The following ARMC2 variants were observed in gnomAD, a reference collection of about 807,000 sequenced individuals.
ARMC2 encodes the protein armadillo repeat containing 2, also known as armadillo repeat-containing protein 2.
In ARMC2, 67 loss-of-function variants were observed where a neutral mutation model predicts 90.3. The ratio of observed to expected loss-of-function variants is 0.74; its 90% CI spans 0.61 to 0.91. The LOEUF (loss-of-function observed/expected upper bound fraction) is 0.91. Among genes scored for constraint, ARMC2 ranks in the 40% least tolerant of loss-of-function variants. The pLI is 0.00. For missense variants in ARMC2, 920 were observed against 1,030.9 expected, an observed-to-expected ratio of 0.89 and a Z score of 1.47; for synonymous variants, 393 against 393.0, an observed-to-expected ratio of 1.00 and a Z score of 0.00.
the ARMC2 span, among the ~76,000 whole-genome samples, chr6:109,047,978 G>C: frequency 1.4e-5 from 2 of 147,834 alleles, no homozygotes. Flanking sequence ...AGGGTCCTCT[G>C]CCTAGGAAAA....
In ARMC2 at chr6:108,899,771, A is replaced by C; in HGVS notation, c.826A>C (p.Ile276Leu). Reference sequence around the variant, plus strand: ...CTTTTGGAATACAAGGATTGTACCGATTTTGCGTGAATTAGAAAAGGGTAA... The same window carrying C: ...CTTTTGGAATACAAGGATTGTACCGCTTTTGCGTGAATTAGAAAAGGGTAA... ...EVFWNTRIVP[I>L]LRELEKEENI... is the part of the protein sequence containing the mutation. Residue 276 changes from isoleucine (I) to leucine (L), a missense_variant, in exon 7 of 18, where the codon ATT (isoleucine) becomes CTT (leucine). Physicochemically the swap from Ile to Leu is conservative, Grantham distance 5. Coordinates refer to ENST00000392644, the MANE Select transcript of ARMC2 (RefSeq NM_032131.6). The C allele has an allele frequency of 1.2e-6, 2 of 1,612,968 alleles. No individual in the cohort carries two copies. The highest frequency in any genetic ancestry group is 2.2e-5 in the East Asian group (1 of 44,846).
At chr6:108,984,337 TCA>T in the ARMC2 span, among the ~76,000 whole-genome samples, 1,551 of 152,298 alleles carry the variant, frequency 0.01, 33 homozygotes, top group African/African-American at 0.035. Context: ...AATTTATTGC[TCA>T]CAGTTTTGGA....
Position 108,962,070 on chromosome 6 carries a change from G to A in ARMC2, c.2095G>A (p.Val699Ile), listed in dbSNP as rs1210996489. The A allele has an allele frequency of 6.2e-7, 1 of 1,613,554 alleles. No individual in the cohort carries two copies. The highest frequency in any genetic ancestry group is 8.5e-7 in the Non-Finnish European group (1 of 1,179,748). Reference protein sequence around the residue: ...NMDGILEAVRVFGNLSQDHDV... With the variant: ...NMDGILEAVRIFGNLSQDHDV... ...GGATGGAATCCTGGAGGCTGTGCGT[G>A]TTTTCGGAAATCTCTCCCAGGACCA... Residue 699 changes from valine to isoleucine, a missense_variant, in exon 15 of 18, where the codon GTT (valine) becomes ATT (isoleucine). Val to Ile is a conservative substitution (Grantham distance 29). Transcript: ENST00000392644.
rs553836832 is a variant in ARMC2 at position 108,899,750 on chromosome 6, T to C, written c.805T>C (p.Trp269Arg). 13 of 1,613,796 alleles carry C rather than the reference T, an allele frequency of 8.1e-6. No individual in the cohort carries two copies. In the Admixed American group the frequency reaches 2.2e-4, roughly 27 times the overall value. ...AGAAATAGAAGTAGACGAAGTCTTT[T>C]GGAATACAAGGATTGTACCGATTTT... ...DAEIEVDEVF[W>R]NTRIVPILRE... The change falls in exon 7 of 18, where the codon TGG becomes CGG. Residue 269 changes from tryptophan to arginine, a missense_variant. By Grantham distance (101) the Trp-to-Arg change is moderately radical. Coordinates refer to ENST00000392644, the MANE Select transcript of ARMC2 (RefSeq NM_032131.6).
chr6:108,907,635 G>T, intron 8 of ARMC2: 2 of 1,590,688 alleles, frequency 1.3e-6, no homozygotes, highest in Non-Finnish European at 1.7e-6. Flanking sequence ...AGCCACTCGT[G>T]CTTGAGATGC....
the ARMC2 span, among the ~76,000 whole-genome samples, chr6:109,046,352 C>T: frequency 6.5e-4 from 99 of 151,844 alleles, no homozygotes; most frequent in African/African-American, 2.2e-3. Flanking sequence ...CCCGAGGTGC[C>T]GGGATTGCAG....
chr6:108,948,400 C>G (rs951015525), intron 12 of ARMC2, among the ~76,000 whole-genome samples: 7 of 151,858 alleles, frequency 4.6e-5, no homozygotes, highest in African/African-American at 1.7e-4. Context: ...TCCAGGATCC[C>G]TAGGTCCATG....
At chr6:108,897,162 T>C (rs771742246) in intron 6 of ARMC2, among the ~76,000 whole-genome samples, 3 of 152,240 alleles carry the variant, frequency 2.0e-5, no homozygotes, top group Non-Finnish European at 4.4e-5. Flanking sequence ...TCCCTGAGCC[T>C]GATGGGAAGT....
chr6:108,961,983 C>A (rs1425033246), intron 14 of ARMC2, 31 bp from the exon 15 acceptor site: 1 of 1,455,212 alleles, frequency 6.9e-7, no homozygotes, highest in East Asian at 2.3e-5. Flanking sequence ...CTTAAATTCA[C>A]TGATTTAATT....
chr6:108,936,221 T>A (rs1213414484), intron 11 of ARMC2, among the ~76,000 whole-genome samples: 3 of 152,130 alleles, frequency 2.0e-5, no homozygotes, highest in Admixed American at 6.6e-5. Flanking sequence ...CAGGTTTTTG[T>A]TCGTTTGTTT....
At chr6:108,889,500 G>A (rs1477966457) in intron 5 of ARMC2, among the ~76,000 whole-genome samples, 1 of 151,654 alleles carries the variant, frequency 6.6e-6, no homozygotes, top group Non-Finnish European at 1.5e-5. Flanking sequence ...GAATGCAATG[G>A]CACAATCACA....
chr6:109,008,997 A>T, the ARMC2 span: 6 of 1,018,668 alleles, frequency 5.9e-6, no homozygotes, highest in Non-Finnish European at 7.1e-6. Flanking sequence ...CACCCTCAAG[A>T]CTCGAGGTCT....
At chr6:108,929,300 G>T (rs1452025225) in intron 11 of ARMC2, among the ~76,000 whole-genome samples, 2 of 152,246 alleles carry the variant, frequency 1.3e-5, no homozygotes, top group East Asian at 3.9e-4. Flanking sequence ...ATAGTTGATT[G>T]TTCCAGCACC....
At chr6:108,887,071 C>G (rs912024963) in intron 5 of ARMC2, among the ~76,000 whole-genome samples, 4 of 151,914 alleles carry the variant, frequency 2.6e-5, no homozygotes, top group Non-Finnish European at 5.9e-5. Context: ...CCACCCCCAG[C>G]TAATTTTTGT....
chr6:108,920,210 G>A (rs1417002959), intron 10 of ARMC2, among the ~76,000 whole-genome samples: 2 of 152,102 alleles, frequency 1.3e-5, no homozygotes, highest in African/African-American at 2.4e-5. Flanking sequence ...TGTTTTTAGA[G>A]ATGGAGTCTT....
chr6:108,902,789 A>C (rs997258665), intron 7 of ARMC2, among the ~76,000 whole-genome samples: 3 of 152,204 alleles, frequency 2.0e-5, no homozygotes, highest in Non-Finnish European at 2.9e-5. Flanking sequence ...GAAGGAATCT[A>C]TCAGAGATAA....
chr6:108,886,884 T>C (rs776300512), intron 5 of ARMC2, among the ~76,000 whole-genome samples: 1 of 80,350 alleles, frequency 1.2e-5, no homozygotes, highest in Non-Finnish European at 3.6e-5. Flanking sequence ...AATTTTATAG[T>C]TTTTTTTTTG....
chr6:108,973,279 T>G lies in ARMC2; in HGVS notation c.2447-78T>G. 3.9e-6 allele frequency: 5 copies of G among 1,293,418 alleles called. No individual in the cohort carries two copies. In the South Asian group the frequency reaches 7.9e-5, roughly 20 times the overall value. 80.1% of individuals were successfully genotyped at this position (1,293,418 alleles called of 1,614,324 possible). A position where few individuals can be genotyped will look rare whatever the true frequency, so the allele number is the denominator to read the frequency against. ...AAGGACGACCCAGGGTGAGTTTAAC[T>G]CATATCATCAAAATTAAACTATATT... is the stretch of plus-strand genomic sequence containing the variant. On this transcript the variant is annotated intron_variant, in intron 17 of 17. Coordinates refer to ENST00000392644, the MANE Select transcript of ARMC2 (RefSeq NM_032131.6).
chr6:108,968,127 T>C (rs571069014), intron 17 of ARMC2, among the ~76,000 whole-genome samples: 6 of 152,260 alleles, frequency 3.9e-5, no homozygotes, highest in Non-Finnish European at 7.3e-5. Flanking sequence ...AGGTACTTGA[T>C]AGCTGCATGT....
Sources: allele counts gnomAD v4.1 joint callset (sites outside exome capture counted in the v4.1 genomes callset), GRCh38; gene constraint gnomAD v4.1.1; transcripts MANE v1.5; gene names NCBI Gene and HGNC (gene_info 2026-07-23, HGNC 2026-07-21).